USP32: variants seen among roughly 807,000 people sequenced by gnomAD.
The protein encoded by USP32 is ubiquitin carboxyl-terminal hydrolase 32.
USP32 carries 59 observed loss-of-function variants against 204.8 expected under a neutral mutation model. The ratio of observed to expected loss-of-function variants is 0.29; its 90% CI spans 0.23 to 0.36. USP32 has a LOEUF of 0.36. USP32 is among the 10% of genes least tolerant of loss of function. The pLI, the probability that USP32 is intolerant of heterozygous loss-of-function variation, is 1.00. For synonymous variants in USP32, 517 were observed against 678.4 expected (o/e 0.76, Z 3.70); for missense variants, 1,160 against 1,946.4 (o/e 0.60, Z 7.60).
At chr17:60,249,964 T>TTTAAGTAATAGTAA (rs1414096786) in intron 11 of USP32, among the ~76,000 whole-genome samples, 1 of 151,820 alleles carries the variant, frequency 6.6e-6, no homozygotes, top group African/African-American at 2.4e-5. Flanking sequence ...TCAAATGAAT[T>TTTAAGTAATAGTAA]TTTATAAGTA....
intron 9 of USP32, among the ~76,000 whole-genome samples, chr17:60,260,591 T>C (rs529203989): frequency 6.6e-6 from 1 of 151,694 alleles, no homozygotes; most frequent in Non-Finnish European, 1.5e-5. Flanking sequence ...ATAAAAAGAC[T>C]AAGTTAATCT....
intron 13 of USP32, among the ~76,000 whole-genome samples, chr17:60,225,174 C>T (rs995868135): frequency 3.3e-5 from 5 of 152,006 alleles, no homozygotes; most frequent in Admixed American, 6.6e-5. Context: ...TGAAAATAGC[C>T]GCATGTGATG....
At chr17:60,416,375 T>C (rs73324528) in intron 1 of USP32, among the ~76,000 whole-genome samples, 333 of 152,242 alleles carry the variant, frequency 2.2e-3, no homozygotes, top group African/African-American at 6.7e-3. Context: ...GCATGATGAT[T>C]ATGAAACAGG....
intron 1 of USP32, among the ~76,000 whole-genome samples, chr17:60,367,972 G>C (rs1160968786): frequency 6.6e-6 from 1 of 151,750 alleles, no homozygotes; most frequent in African/African-American, 2.4e-5. Flanking sequence ...AAGTAATCTA[G>C]AGATAACAGG....
At chr17:60,184,809 CAAAA>C (rs35566339) in intron 30 of USP32, among the ~76,000 whole-genome samples, 12 of 78,508 alleles carry the variant, frequency 1.5e-4, no homozygotes, top group East Asian at 4.3e-4. Flanking sequence ...GACCCTGTCT[CAAAA>C]AAAAAAAAAA....
chr17:60,232,146 T>C (rs1210039079), intron 12 of USP32, among the ~76,000 whole-genome samples: 30 of 151,720 alleles, frequency 2.0e-4, no homozygotes, highest in Admixed American at 2.0e-3. Context: ...TTATCTGACA[T>C]GTCAACACTA....
chr17:60,408,656 G>A (rs572957229), intron 1 of USP32, among the ~76,000 whole-genome samples: 4 of 152,194 alleles, frequency 2.6e-5, no homozygotes, highest in South Asian at 4.2e-4. Context: ...GGGATTACAG[G>A]CATGAGCCAC....
intron 2 of USP32, among the ~76,000 whole-genome samples, chr17:60,334,111 C>T (rs1195076891): frequency 6.6e-6 from 1 of 152,008 alleles, no homozygotes; most frequent in Non-Finnish European, 1.5e-5. Flanking sequence ...ATTAGCACCT[C>T]GAATACTTAC....
upstream of USP32, among the ~76,000 whole-genome samples, chr17:60,393,687 C>CTT (rs1218263132): frequency 9.7e-4 from 138 of 141,804 alleles, 1 homozygote; most frequent in African/African-American, 3.1e-3. Flanking sequence ...CTGTGTTTTT[C>CTT]TTTTTTTTTT....
At chr17:60,306,403 C>T (rs753784374) in intron 2 of USP32, among the ~76,000 whole-genome samples, 8 of 152,058 alleles carry the variant, frequency 5.3e-5, no homozygotes, top group Admixed American at 3.9e-4. Flanking sequence ...TTTGGAAAGC[C>T]GAGGGGGGTG....
At chr17:60,317,864 A>G (rs1268287178) in intron 2 of USP32, among the ~76,000 whole-genome samples, 1 of 152,226 alleles carries the variant, frequency 6.6e-6, no homozygotes, top group Non-Finnish European at 1.5e-5. Flanking sequence ...ATGCGCCTAT[A>G]GTCCCAGCTA....
intron 26 of USP32, among the ~76,000 whole-genome samples, 197 bp downstream of exon 26, chr17:60,205,250 A>C (rs1259499510): frequency 6.6e-6 from 1 of 152,274 alleles, no homozygotes; most frequent in African/African-American, 2.4e-5. Flanking sequence ...TAATACATTG[A>C]AAATGCATTC....
intron 2 of USP32, among the ~76,000 whole-genome samples, chr17:60,302,109 GTTTGTTTATTTA>G (rs199891376): frequency 0.04 from 5,164 of 130,370 alleles, 144 homozygotes; most frequent in Admixed American, 0.095. Flanking sequence ...TAAATATTTT[GTTTGTTTATTTA>G]TTTATTTATT....
chr17:60,239,057 T>C (rs936917005), intron 11 of USP32, among the ~76,000 whole-genome samples: 12 of 152,204 alleles, frequency 7.9e-5, no homozygotes, highest in Non-Finnish European at 1.5e-5. Flanking sequence ...AACATTCCAC[T>C]GCAAAATTCA....
intron 2 of USP32, among the ~76,000 whole-genome samples, chr17:60,339,448 T>C (rs897056141): frequency 1.3e-5 from 2 of 151,660 alleles, no homozygotes; most frequent in African/African-American, 2.4e-5. Context: ...CCAGGCGTGG[T>C]GGTGGGCACC....
chr17:60,210,987 C>G, intron 21 of USP32, 26 bp downstream of exon 21: 1 of 1,574,464 alleles, frequency 6.4e-7, no homozygotes, highest in South Asian at 1.2e-5. Context: ...GAATTAAATA[C>G]TTTTATATTA....
chr17:60,234,018 T>C (rs537076163), intron 12 of USP32, among the ~76,000 whole-genome samples: 3 of 152,234 alleles, frequency 2.0e-5, no homozygotes, highest in South Asian at 2.1e-4. Flanking sequence ...GGTGTGATCA[T>C]GGCTCACTGC....
At chr17:60,349,624 T>TATACATATATATACACA (rs1491225872) in intron 1 of USP32, among the ~76,000 whole-genome samples, 1 of 60,252 alleles carries the variant, frequency 1.7e-5, no homozygotes, top group African/African-American at 1.2e-4. Context: ...TATATATATA[T>TATACATATATATACACA]TATATATATA....
chr17:60,302,068 G>C (rs1567839714), intron 2 of USP32, among the ~76,000 whole-genome samples: 1 of 152,012 alleles, frequency 6.6e-6, no homozygotes. Flanking sequence ...CCCAACTGAA[G>C]GCTAATGTAA....
Sources: gnomAD v4.1 joint callset for allele counts (sites outside exome capture counted in the v4.1 genomes callset) on GRCh38, gnomAD v4.1.1 for gene constraint, MANE v1.5 for transcripts, NCBI Gene and HGNC (gene_info 2026-07-23, HGNC 2026-07-21) for gene names.